Variants in RARB observed in about 807,000 individuals in gnomAD.
RARB encodes HBV-activated protein.
Under a neutral mutation model 51.9 loss-of-function variants are expected in RARB, and 17 were observed. The observed-to-expected ratio is 0.33, with a 90% CI of 0.22 to 0.49. RARB has a LOEUF of 0.49. Among genes scored for constraint, RARB ranks in the 20% least tolerant of loss-of-function variants. RARB has a pLI of 0.99. For synonymous variants in RARB, 215 were observed against 195.4 expected (o/e 1.10, Z -0.84); for missense variants, 369 against 550.8 (o/e 0.67, Z 3.30).
chr3:25,586,959 C>G (rs2125315934), intron 5 of RARB, among the ~76,000 whole-genome samples: 1 of 152,366 alleles, frequency 6.6e-6, no homozygotes, highest in Admixed American at 6.5e-5. Flanking sequence ...CCCCATGAGG[C>G]ACCAGGAATT....
intron 3 of RARB, among the ~76,000 whole-genome samples, chr3:25,106,437 A>G (rs546795163): frequency 1.1e-3 from 152 of 139,450 alleles, no homozygotes; most frequent in Non-Finnish European, 1.7e-3. Flanking sequence ...CACCATGCCC[A>G]GCTACTGTTT....
chr3:25,511,217 C>A (rs1363803111), intron 3 of RARB, among the ~76,000 whole-genome samples: 3 of 152,082 alleles, frequency 2.0e-5, no homozygotes, highest in African/African-American at 7.2e-5. Flanking sequence ...ACTGCAAGCT[C>A]CGCCTCCTGG....
chr3:25,114,087 AAT>A (rs1378076804), intron 3 of RARB, among the ~76,000 whole-genome samples: 1 of 152,210 alleles, frequency 6.6e-6, no homozygotes, highest in Non-Finnish European at 1.5e-5. Flanking sequence ...ATTTCAAAAG[AAT>A]GCAACTTGCA....
chr3:25,322,144 T>A (rs563884025), intron 5 of RARB, among the ~76,000 whole-genome samples: 1 of 144,674 alleles, frequency 6.9e-6, no homozygotes, highest in South Asian at 2.1e-4. Context: ...CCCAAATACG[T>A]ATGGAAATTT....
rs114224481 is a variant in RARB, at chr3:25,338,410, G to T, written c.179-122783G>T. The stretch of plus-strand genomic sequence containing the variant: ...GGGTGGGCTGTTGTCTAAATTGAAT[G>T]GGTGAAGAGAAACAGAGAGACATTC... On this transcript the variant is annotated intron_variant, in intron 5 of 11. Coordinates refer to the RARB transcript ENST00000383772. Among the ~76,000 whole-genome samples, 265 of 152,282 alleles carry T rather than the reference G, an allele frequency of 1.7e-3. 1 individual carries two copies. The highest frequency in any genetic ancestry group is 5.8e-3 in the African/African-American group (243 of 41,562).
chr3:25,433,611 A>G (rs1559399367), intron 1 of RARB, among the ~76,000 whole-genome samples: 2 of 152,198 alleles, frequency 1.3e-5, no homozygotes, highest in African/African-American at 4.8e-5. Context: ...AGCTGGGGTG[A>G]TGGAGGGAGA....
Position 25,491,554 on chromosome 3 carries a change from A to C in RARB, c.307-9628A>C, listed in dbSNP as rs1363217984. Among the ~76,000 whole-genome samples the C allele has an allele frequency of 3.3e-5, 5 of 152,150 alleles. No homozygotes were observed. In the East Asian group the frequency reaches 9.6e-4, roughly 29 times the overall value. ...CTCATAAAGGAAAAAGAGATTGAAC[A>C]CTTTTGCTGTAGATGGTATTCTGTA... On this transcript the variant is annotated intron_variant, in intron 2 of 7. Coordinates refer to ENST00000330688, the MANE Select transcript of RARB (RefSeq NM_000965.5).
intron 5 of RARB, among the ~76,000 whole-genome samples, chr3:25,379,724 G>T (rs1446760680): frequency 6.6e-6 from 1 of 152,176 alleles, no homozygotes; most frequent in African/African-American, 2.4e-5. Context: ...ACATTTTGTA[G>T]ATCTGAGACA....
intron 5 of RARB, among the ~76,000 whole-genome samples, chr3:25,181,776 A>T (rs1270494193): frequency 6.6e-6 from 1 of 152,144 alleles, no homozygotes; most frequent in South Asian, 2.1e-4. Context: ...AGTCAGTAGT[A>T]GGTTGATCTT....
intron 4 of RARB, among the ~76,000 whole-genome samples, chr3:25,166,297 A>C (rs538118234): frequency 6.6e-6 from 1 of 152,164 alleles, no homozygotes; most frequent in African/African-American, 2.4e-5. Flanking sequence ...ACTTCTTTAC[A>C]TCCATGTTTC....
intron 3 of RARB, among the ~76,000 whole-genome samples, chr3:25,534,827 C>G (rs1293852365): frequency 6.6e-6 from 1 of 152,092 alleles, no homozygotes; most frequent in African/African-American, 2.4e-5. Context: ...CTGCTAGTGC[C>G]CTGAACACTG....
intron 2 of RARB, among the ~76,000 whole-genome samples, chr3:25,472,445 G>A (rs978435637): frequency 6.6e-6 from 1 of 152,210 alleles, no homozygotes; most frequent in Non-Finnish European, 1.5e-5. Context: ...CTCAGGTACA[G>A]ACCTACTTTT....
chr3:24,832,144 A>T (rs999261645), intron 1 of RARB, among the ~76,000 whole-genome samples: 3 of 152,230 alleles, frequency 2.0e-5, no homozygotes, highest in Non-Finnish European at 4.4e-5. Flanking sequence ...ACTGCTTTAA[A>T]AAGGCTCTAA....
At chr3:24,857,625 G>T (rs1369066304) in intron 1 of RARB, among the ~76,000 whole-genome samples, 1 of 152,088 alleles carries the variant, frequency 6.6e-6, no homozygotes, top group Admixed American at 6.6e-5. Flanking sequence ...TTTAACTAAT[G>T]CTGTTTCGAC....
intron 5 of RARB, among the ~76,000 whole-genome samples, chr3:25,420,123 G>A (rs1707818662): frequency 1.3e-5 from 2 of 152,180 alleles, no homozygotes; most frequent in South Asian, 4.2e-4. Flanking sequence ...TGTATAATGT[G>A]CTTTTATGCA....
At chr3:25,143,675 T>C (rs1575180116) in intron 4 of RARB, among the ~76,000 whole-genome samples, 1 of 152,288 alleles carries the variant, frequency 6.6e-6, no homozygotes, top group East Asian at 1.9e-4. Context: ...ACCACCCAAC[T>C]TTTAGACTTA....
chr3:25,201,909 CTT>C (rs1559503149), intron 5 of RARB, among the ~76,000 whole-genome samples: 153 of 38,954 alleles, frequency 3.9e-3, no homozygotes, highest in African/African-American at 0.024. Context: ...TGTTGTGTTT[CTT>C]TCTGCCAGGC....
intron 2 of RARB, among the ~76,000 whole-genome samples, chr3:25,042,849 C>A (rs539711651): frequency 6.6e-6 from 1 of 152,168 alleles, no homozygotes; most frequent in Non-Finnish European, 1.5e-5. Flanking sequence ...ACCAATATAT[C>A]CCCATTTCCT....
At chr3:25,434,968 C>T (rs1708372145) in intron 1 of RARB, among the ~76,000 whole-genome samples, 1 of 152,164 alleles carries the variant, frequency 6.6e-6, no homozygotes, top group Admixed American at 6.5e-5. Flanking sequence ...TTCCTTCTTC[C>T]CTTTCTCTTA....
Sources: gnomAD v4.1 joint callset for allele counts (sites outside exome capture counted in the v4.1 genomes callset) on GRCh38, gnomAD v4.1.1 for gene constraint, MANE v1.5 for transcripts, NCBI Gene and HGNC (gene_info 2026-07-23, HGNC 2026-07-21) for gene names.